Variants in PYCR3 observed in about 807,000 individuals in gnomAD.
The protein encoded by PYCR3 is P5C reductase 3.
In PYCR3, 26 loss-of-function variants were observed where a neutral mutation model predicts 23.4. That is an observed-to-expected ratio of 1.11 (90% CI 0.81 to 1.54). The LOEUF is 1.54. PYCR3 is among the 40% of genes most tolerant of loss of function. PYCR3 has a pLI of 0.00. For missense variants in PYCR3, 360 were observed against 376.3 expected, an observed-to-expected ratio of 0.96 and a Z score of 0.36; for synonymous variants, 194 against 162.6, an observed-to-expected ratio of 1.19 and a Z score of -1.47.
chr8:143,606,458 A>C lies in PYCR3; in HGVS notation c.549+9T>G. 1 of 1,612,072 alleles carries C rather than the reference A, an allele frequency of 6.2e-7. No homozygotes were observed. The highest frequency in any genetic ancestry group is 8.5e-7 in the Non-Finnish European group (1 of 1,179,688). On this transcript the variant is annotated intron_variant, in intron 4 of 5. Coordinates refer to ENST00000495276, the MANE Select transcript of PYCR3 (RefSeq NM_023078.6). ...GGGTGGGGCCGGGGATGGACGAGGC[A>C]ATACTCACGAAGGCCACGCCACTGC...
At position 143,603,636 on chromosome 8, in the gene PYCR3, A is replaced by T. The variant is rs1204346103; in HGVS notation, c.*2064T>A. 1.3e-5 allele frequency among the ~76,000 whole-genome samples: 2 copies of T among 152,186 alleles called. No homozygotes were observed. Among genetic ancestry groups the T allele is most frequent in the African/African-American group, 4.8e-5 (2 of 41,452 alleles). Reference sequence around the variant, plus strand: ...GGTGTGAATGCAGGTGGCCGTCAGAAGGGCTGTCCACCTTCCTTCAGGGGG... The same window carrying T: ...GGTGTGAATGCAGGTGGCCGTCAGATGGGCTGTCCACCTTCCTTCAGGGGG... On this transcript the variant is annotated 3_prime_UTR_variant, in exon 6 of 6. Coordinates refer to ENST00000495276, the MANE Select transcript of PYCR3 (RefSeq NM_023078.6).
At position 143,603,754 on chromosome 8, in the gene PYCR3, G is replaced by A. The variant is rs143309113; in HGVS notation, c.*1946C>T. The stretch of plus-strand genomic sequence containing the variant: ...CGTGCAGGGGAAACTGCAATTCCAT[G>A]CCCTACAAAGCCCCCAGGTGATGTA... On this transcript the variant is annotated 3_prime_UTR_variant, in exon 6 of 6. Coordinates refer to ENST00000495276, the MANE Select transcript of PYCR3 (RefSeq NM_023078.6). Among the ~76,000 whole-genome samples, 71 of 152,326 alleles carry A rather than the reference G, an allele frequency of 4.7e-4. No homozygotes were observed. Among genetic ancestry groups the A allele is most frequent in the Non-Finnish European group, 9.1e-4 (62 of 68,022 alleles).
chr8:143,606,285 G>T (rs1379298612), intron 4 of PYCR3, 131 bp from the exon 5 acceptor site: 1 of 1,119,190 alleles, frequency 8.9e-7, no homozygotes, highest in South Asian at 1.5e-5. Flanking sequence ...GTCTGCAAAG[G>T]GGCTGGCCTC....
chr8:143,605,394 A>G lies in PYCR3; in HGVS notation c.*306T>C, dbSNP rs1829364441. The G allele has an allele frequency of 2.3e-6, 1 of 442,638 alleles. No homozygotes were observed. The highest frequency in any genetic ancestry group is 3.8e-5 in the Admixed American group (1 of 26,204). The allele number at this position is 442,638 out of a possible 1,614,324, so 27.4% of individuals were successfully genotyped here. A position where few individuals can be genotyped will look rare whatever the true frequency, so the allele number is the denominator to read the frequency against. On this transcript the variant is annotated 3_prime_UTR_variant, in exon 6 of 6. Coordinates refer to ENST00000495276, the MANE Select transcript of PYCR3 (RefSeq NM_023078.6). ...ACCAACTGCCCAACCATGCGGGCAA[A>G]TGACCAAGACGCCATCTCTTGGGCC...
At chr8:143,607,458 A>G (rs533922017) in intron 2 of PYCR3, among the ~76,000 whole-genome samples, 2 of 152,290 alleles carry the variant, frequency 1.3e-5, no homozygotes, top group East Asian at 3.9e-4. Flanking sequence ...ACGCAGACAC[A>G]TGCACTCACG....
rs546468155 is a variant in PYCR3 at position 143,605,510 on chromosome 8, G to A, written c.*190C>T. On this transcript the variant is annotated 3_prime_UTR_variant, in exon 6 of 6. Coordinates refer to ENST00000495276, the MANE Select transcript of PYCR3 (RefSeq NM_023078.6). ...CCTTCTGCTCACTGGGGAGGGAGGA[G>A]TGTCCCCACTGGTCGGGGCTCCCCC... 1 of 590,040 alleles carries A rather than the reference G, an allele frequency of 1.7e-6. No homozygotes were observed. The highest frequency in any genetic ancestry group is 3.0e-6 in the Non-Finnish European group (1 of 335,170). The allele number at this position is 590,040 out of a possible 1,614,324, so 36.6% of individuals were successfully genotyped here.
Position 143,604,999 on chromosome 8 carries a change from C to G in PYCR3, c.*701G>C. On this transcript the variant is annotated 3_prime_UTR_variant, in exon 6 of 6. Coordinates refer to ENST00000495276, the MANE Select transcript of PYCR3 (RefSeq NM_023078.6). ...TCCTGGCTGGCCAGGGCCACCCTCCCAGACCTCAAGCCACCCCACCTACCA... is the reference window on the plus strand; with the variant it reads ...TCCTGGCTGGCCAGGGCCACCCTCCGAGACCTCAAGCCACCCCACCTACCA... The G allele has an allele frequency of 2.1e-6, 1 of 471,058 alleles. No individual in the cohort carries two copies. The highest frequency in any genetic ancestry group is 4.2e-6 in the Non-Finnish European group (1 of 236,152). The allele number at this position is 471,058 out of a possible 1,614,324, so 29.2% of individuals were successfully genotyped here. A position where few individuals can be genotyped will look rare whatever the true frequency, so the allele number is the denominator to read the frequency against.
At chr8:143,608,018 T>C in intron 2 of PYCR3, 44 bp downstream of exon 2, 1 of 1,449,176 alleles carries the variant, frequency 6.9e-7, no homozygotes, top group Non-Finnish European at 9.7e-7. Context: ...CCAAGAGCTA[T>C]CCTGGGCTCC....
At chr8:143,608,329 G>GC in intron 1 of PYCR3, 1 of 583,402 alleles carries the variant, frequency 1.7e-6, no homozygotes, top group Non-Finnish European at 3.0e-6. Context: ...GGCGGTCAAC[G>GC]CCCCTGACTG....
At chr8:143,607,995 A>T in intron 2 of PYCR3, 67 bp downstream of exon 2, 2 of 1,201,144 alleles carry the variant, frequency 1.7e-6, no homozygotes, top group African/African-American at 1.5e-5. Context: ...TAAGTGTCTT[A>T]GTGGGACAGG....
rs1829491760 is a variant in PYCR3 at position 143,609,556 on chromosome 8, C to A, written c.-8G>T. Reference sequence around the variant, plus strand: ...CGGCTCCGCAGCTGCCATCTTGTTGCCTCGGACGCCGCTGCGCTCACCGCC... The same window carrying A: ...CGGCTCCGCAGCTGCCATCTTGTTGACTCGGACGCCGCTGCGCTCACCGCC... On this transcript the variant is annotated 5_prime_UTR_variant, in exon 1 of 6. Transcript: ENST00000495276. 1 of 1,500,442 alleles carries A rather than the reference C, an allele frequency of 6.7e-7. No individual in the cohort carries two copies. The highest frequency in any genetic ancestry group is 2.7e-5 in the East Asian group (1 of 36,676). 92.9% of individuals were successfully genotyped at this position (1,500,442 alleles called of 1,614,324 possible). A position where few individuals can be genotyped will look rare whatever the true frequency, so the allele number is the denominator to read the frequency against.
rs779348480 is a variant in PYCR3, at chr8:143,606,467, G to A, written c.549C>T (p.Phe183=). 5.3e-5 allele frequency: 85 copies of A among 1,612,370 alleles called. No individual in the cohort carries two copies. The highest frequency in any genetic ancestry group is 9.3e-5 in the African/African-American group (7 of 74,912). ...CGGGGATGGACGAGGCAATACTCACGAAGGCCACGCCACTGCCACTGAGGC... is the reference window on the plus strand; with the variant it reads ...CGGGGATGGACGAGGCAATACTCACAAAGGCCACGCCACTGCCACTGAGGC... ...HTGLSGSGVA[F]VCAFSEALAE... The change falls in exon 4 of 6, where the codon TTC becomes TTT. Residue 183 remains phenylalanine (F), a splice_region_variant and synonymous_variant. Transcript: ENST00000495276.
At position 143,603,952 on chromosome 8, in the gene PYCR3, T is replaced by G. The variant is rs1353655280; in HGVS notation, c.*1748A>C. The G allele has an allele frequency of 6.6e-6, 1 of 151,764 alleles. No homozygotes were observed. Among genetic ancestry groups the G allele is most frequent in the Admixed American group, 6.6e-5 (1 of 15,220 alleles). The allele number at this position is 151,764 out of a possible 1,614,324, so 9.4% of individuals were successfully genotyped here. A position where few individuals can be genotyped will look rare whatever the true frequency, so the allele number is the denominator to read the frequency against. On this transcript the variant is annotated 3_prime_UTR_variant, in exon 6 of 6. Transcript: ENST00000495276. Reference sequence around the variant, plus strand: ...TGCTGTCACCCAGGCTGGAGTGCAGTGGCATGATCTTGGCTCTCTGCAATC... The same window carrying G: ...TGCTGTCACCCAGGCTGGAGTGCAGGGGCATGATCTTGGCTCTCTGCAATC...
In PYCR3 at chr8:143,605,772, G is replaced by A. The variant is rs375748238; in HGVS notation, c.753C>T (p.Gly251=). 16 of 1,611,222 alleles carry A rather than the reference G, an allele frequency of 9.9e-6. No homozygotes were observed. In the Admixed American group the frequency reaches 1.3e-4, roughly 13 times the overall value. Residue 251 remains glycine, a synonymous_variant, in exon 6 of 6, where the codon GGC becomes GGT. Coordinates refer to ENST00000495276, the MANE Select transcript of PYCR3 (RefSeq NM_023078.6). ...CGCTCATGGTGGCTGCTCGCAGCCC[G>A]CCCTGCTCCAGGGCGTGGAGTCCAT... ...TIYGLHALEQ[G]GLRAATMSAV...
rs868057782 is a variant in PYCR3, at chr8:143,603,699, G to C, written c.*2001C>G. Among the ~76,000 whole-genome samples, 3 of 152,204 alleles carry C rather than the reference G, an allele frequency of 2.0e-5. No individual in the cohort carries two copies. Among genetic ancestry groups the C allele is most frequent in the Non-Finnish European group, 4.4e-5 (3 of 68,030 alleles). ...GACCCCAGGCTCCCAGGCCTGCCCA[G>C]GCTTGGCATACAGTCCCCTGGGGTG... On this transcript the variant is annotated 3_prime_UTR_variant, in exon 6 of 6. Coordinates refer to ENST00000495276, the MANE Select transcript of PYCR3 (RefSeq NM_023078.6).
chr8:143,609,570 G>GCGCTCACCGCCCATCCACAGGC lies in PYCR3; in HGVS notation c.-23_-22insGCCTGTGGATGGGCGGTGAGCG. 3 of 1,480,318 alleles carry GCGCTCACCGCCCATCCACAGGC rather than the reference G, an allele frequency of 2.0e-6. No individual in the cohort carries two copies. 91.7% of individuals were successfully genotyped at this position (1,480,318 alleles called of 1,614,324 possible). On this transcript the variant is annotated 5_prime_UTR_variant, in exon 1 of 6. It adds an upstream start codon to the 5' untranslated region. Transcript: ENST00000495276. ...CCATCTTGTTGCCTCGGACGCCGCT[G>GCGCTCACCGCCCATCCACAGGC]CGCTCACCGCCCATCCACAGGCCGC...
chr8:143,609,084 G>A (rs1490646777), intron 1 of PYCR3, among the ~76,000 whole-genome samples: 2 of 152,224 alleles, frequency 1.3e-5, no homozygotes, highest in Non-Finnish European at 2.9e-5. Context: ...CACAACGTGG[G>A]GGTGCTGCTG....
In PYCR3 at chr8:143,607,075, C is replaced by T. The variant is rs779639936; in HGVS notation, c.214G>A (p.Val72Ile). Residue 72 changes from valine to isoleucine, a missense_variant, in exon 3 of 6, where the codon GTC becomes ATC. By Grantham distance (29) the Val-to-Ile change is conservative (BLOSUM62 3). Transcript: ENST00000495276. Reference sequence around the variant, plus strand: ...ACATGAGGCTTGGTGGCAAAGATGACGAGCAGGCAGCTCTGCAGCACCTCC... The same window carrying T: ...ACATGAGGCTTGGTGGCAAAGATGATGAGCAGGCAGCTCTGCAGCACCTCC... ...NQEVLQSCLL[V>I]IFATKPHVLP... 1.8e-5 allele frequency: 29 copies of T among 1,612,110 alleles called. No homozygotes were observed. Among genetic ancestry groups the T allele is most frequent in the East Asian group, 1.3e-4 (6 of 44,848 alleles).
intron 2 of PYCR3, among the ~76,000 whole-genome samples, chr8:143,607,468 G>A (rs1323428788): frequency 6.7e-6 from 1 of 149,984 alleles, no homozygotes; most frequent in African/African-American, 2.5e-5. Flanking sequence ...ATGCACTCAC[G>A]AGCATACATA....
Sources: allele counts gnomAD v4.1 joint callset (sites outside exome capture counted in the v4.1 genomes callset), GRCh38; gene constraint gnomAD v4.1.1; transcripts MANE v1.5; gene names NCBI Gene and HGNC (gene_info 2026-07-23, HGNC 2026-07-21).